The following LRMDA variants were observed in gnomAD, a reference collection of about 807,000 sequenced individuals.
LRMDA encodes the protein leucine-rich melanocyte differentiation-associated protein.
In LRMDA, 18 loss-of-function variants were observed where a neutral mutation model predicts 29.8. That is an observed-to-expected ratio of 0.60 (90% CI 0.42 to 0.90). The LOEUF is 0.90. LRMDA is among the 40% of genes least tolerant of loss of function. The probability of loss-of-function intolerance (pLI) is 0.00; values close to 1 mark genes in which losing one functional copy is unlikely to be tolerated. For missense variants in LRMDA, 273 were observed against 273.9 expected, an observed-to-expected ratio of 1.00 and a Z score of 0.02; for synonymous variants, 125 against 109.4, an observed-to-expected ratio of 1.14 and a Z score of -0.89.
chr10:75,539,276 T>C (rs1464052489), intron 2 of LRMDA, among the ~76,000 whole-genome samples: 4 of 152,228 alleles, frequency 2.6e-5, no homozygotes, highest in Non-Finnish European at 5.9e-5. Flanking sequence ...TGAAAGTTTT[T>C]TGTTTTATGT....
intron 5 of LRMDA, among the ~76,000 whole-genome samples, chr10:76,313,029 T>C (rs1048470923): frequency 6.6e-6 from 1 of 152,182 alleles, no homozygotes; most frequent in Admixed American, 6.5e-5. Context: ...TTATTTAACA[T>C]TTACCTTTAT....
intron 2 of LRMDA, among the ~76,000 whole-genome samples, chr10:75,624,344 T>C (rs1246472763): frequency 6.6e-6 from 1 of 152,226 alleles, no homozygotes; most frequent in East Asian, 1.9e-4. Flanking sequence ...ATAGTTAATA[T>C]ACACATATCC....
chr10:76,353,734 T>A (rs1841206611), intron 6 of LRMDA, among the ~76,000 whole-genome samples: 1 of 152,128 alleles, frequency 6.6e-6, no homozygotes, highest in Admixed American at 6.6e-5. Context: ...CTGCTCCAGA[T>A]GAAAGCTCAT....
intron 5 of LRMDA, among the ~76,000 whole-genome samples, chr10:76,307,404 G>A (rs555151343): frequency 5.3e-5 from 8 of 152,162 alleles, no homozygotes; most frequent in Non-Finnish European, 1.0e-4. Flanking sequence ...ATGCAGTGAG[G>A]GGCTCCTGAA....
At chr10:75,675,830 G>A (rs1841953661) in intron 2 of LRMDA, among the ~76,000 whole-genome samples, 1 of 152,008 alleles carries the variant, frequency 6.6e-6, no homozygotes, top group Non-Finnish European at 1.5e-5. Flanking sequence ...AAGCCTCCTT[G>A]GATTAGAGCC....
At chr10:76,004,207 C>T (rs1847608306) in intron 2 of LRMDA, among the ~76,000 whole-genome samples, 1 of 152,188 alleles carries the variant, frequency 6.6e-6, no homozygotes, top group African/African-American at 2.4e-5. Context: ...TAGGCATTTA[C>T]ACCATTGAGT....
intron 5 of LRMDA, among the ~76,000 whole-genome samples, chr10:76,190,127 A>G (rs1851219199): frequency 6.6e-6 from 1 of 152,142 alleles, no homozygotes; most frequent in Admixed American, 6.5e-5. Context: ...TCACAATTCA[A>G]ACTGGTCATT....
intron 2 of LRMDA, among the ~76,000 whole-genome samples, chr10:75,573,769 GT>G (rs1840466827): frequency 6.6e-6 from 1 of 151,942 alleles, no homozygotes; most frequent in Non-Finnish European, 1.5e-5. Context: ...TCCTTGTGTG[GT>G]TTATAATTTT....
chr10:76,550,853 A>G (rs1843486096), intron 6 of LRMDA, among the ~76,000 whole-genome samples: 1 of 152,190 alleles, frequency 6.6e-6, no homozygotes, highest in Non-Finnish European at 1.5e-5. Flanking sequence ...ATTCTGTCTT[A>G]GTATTTAAGT....
At position 76,027,080 on chromosome 10, in the gene LRMDA, G is replaced by A. The variant is rs923558708; in HGVS notation, c.132-8928G>A. Among the ~76,000 whole-genome samples, 3 of 152,306 alleles carry A rather than the reference G, an allele frequency of 2.0e-5. No individual in the cohort carries two copies. The East Asian group carries it at 5.8e-4, about 29-fold the overall frequency. ...CTAAGACTTCTCTGCTCCTGGTTAA[G>A]CAACTTTAGGACTGTCTCAATCACT... On this transcript the variant is annotated intron_variant, in intron 2 of 6. Transcript: ENST00000611255.
intron 2 of LRMDA, among the ~76,000 whole-genome samples, chr10:75,899,648 A>C (rs1440489735): frequency 6.6e-6 from 1 of 152,122 alleles, no homozygotes; most frequent in African/African-American, 2.4e-5. Flanking sequence ...CTTTCCAAAA[A>C]TGGCCAACTA....
intron 5 of LRMDA, among the ~76,000 whole-genome samples, chr10:76,292,830 T>C (rs1334637850): frequency 6.6e-6 from 1 of 152,058 alleles, no homozygotes; most frequent in Non-Finnish European, 1.5e-5. Flanking sequence ...ACTATCCCAA[T>C]TGGGCATTAA....
chr10:75,983,594 T>C (rs572425941), intron 2 of LRMDA, among the ~76,000 whole-genome samples: 2 of 152,360 alleles, frequency 1.3e-5, no homozygotes, highest in South Asian at 4.1e-4. Flanking sequence ...TATGCGTCTA[T>C]GTATGTGAAT....
At chr10:75,470,611 A>T (rs1844714460) in intron 2 of LRMDA, among the ~76,000 whole-genome samples, 3 of 152,154 alleles carry the variant, frequency 2.0e-5, no homozygotes, top group Admixed American at 2.0e-4. Context: ...CAGTGGTGGT[A>T]TGGAGCAGGT....
rs56145957 is a variant in LRMDA, at chr10:76,091,276, C to CGTGTGTGTGT, written c.516+32526_516+32535dup. On this transcript the variant is annotated intron_variant, in intron 5 of 6. Coordinates refer to ENST00000611255, the MANE Select transcript of LRMDA (RefSeq NM_001305581.2). ...GTTCTCCTGAAATAAACATGGTGGACGTGTGTGTGTGTGTGTGTGTGTGTG... is the reference window on the plus strand; with the variant it reads ...GTTCTCCTGAAATAAACATGGTGGACGTGTGTGTGTGTGTGTGTGTGTGTGTGTGTGTGTG... 4.4e-4 allele frequency among the ~76,000 whole-genome samples: 65 copies of CGTGTGTGTGT among 146,906 alleles called. 1 individual carries two copies. The South Asian group carries it at 6.8e-3, about 15-fold the overall frequency.
At chr10:75,703,978 G>C (rs1842337653) in intron 2 of LRMDA, among the ~76,000 whole-genome samples, 1 of 152,158 alleles carries the variant, frequency 6.6e-6, no homozygotes, top group Non-Finnish European at 1.5e-5. Flanking sequence ...CCAAGTTCTG[G>C]TTCTATAAAA....
intron 2 of LRMDA, among the ~76,000 whole-genome samples, chr10:75,558,770 G>A (rs942862927): frequency 6.7e-6 from 1 of 149,776 alleles, no homozygotes; most frequent in African/African-American, 2.4e-5. Flanking sequence ...CTATGAGTGA[G>A]AACATGTGGT....
At chr10:76,477,329 G>C (rs1286166160) in intron 6 of LRMDA, among the ~76,000 whole-genome samples, 1 of 151,974 alleles carries the variant, frequency 6.6e-6, no homozygotes, top group Non-Finnish European at 1.5e-5. Context: ...AAATACCTAG[G>C]AATCCAGCTT....
At chr10:75,866,108 C>T (rs933774098) in intron 2 of LRMDA, among the ~76,000 whole-genome samples, 53 of 152,316 alleles carry the variant, frequency 3.5e-4, no homozygotes, top group East Asian at 1.2e-3. Flanking sequence ...CCCTCCTCAT[C>T]GTGCTGGCAG....
Sources: gnomAD v4.1 joint callset for allele counts (sites outside exome capture counted in the v4.1 genomes callset) on GRCh38, gnomAD v4.1.1 for gene constraint, MANE v1.5 for transcripts, NCBI Gene and HGNC (gene_info 2026-07-23, HGNC 2026-07-21) for gene names.